The following AP3B2 variants were observed in gnomAD, a reference collection of about 807,000 sequenced individuals.
AP3B2 encodes adaptor related protein complex 3 subunit beta 2.
In AP3B2, 50 loss-of-function variants were observed where a neutral mutation model predicts 126.9. That is an observed-to-expected ratio of 0.39 (90% CI 0.31 to 0.50). The LOEUF is 0.50. Ranked by LOEUF, AP3B2 falls within the 20% of genes least tolerant of loss-of-function variation. The probability of loss-of-function intolerance (pLI) is 0.79; values close to 1 mark genes in which losing one functional copy is unlikely to be tolerated. For synonymous variants in AP3B2, 541 were observed against 565.0 expected, an observed-to-expected ratio of 0.96 and a Z score of 0.60; for missense variants, 1,177 against 1,426.4, an observed-to-expected ratio of 0.83 and a Z score of 2.82.
chr15:82,703,403 TC>T (rs2048750998), intron 1 of AP3B2, among the ~76,000 whole-genome samples: 1 of 131,172 alleles, frequency 7.6e-6, no homozygotes, highest in African/African-American at 2.8e-5. Context: ...CCACCCCTTC[TC>T]TCCGTGTCTC....
Position 82,677,353 on chromosome 15 carries a change from A to G in AP3B2, c.1409T>C (p.Ile470Thr). ...ELVVAESVVV[I>T]KKLLQMQPAQ... Reference sequence around the variant, plus strand: ...TGGCTGCATCTGTAGCAATTTCTTAATGACGACCACTGACTCTGCAACCAC... The same window carrying G: ...TGGCTGCATCTGTAGCAATTTCTTAGTGACGACCACTGACTCTGCAACCAC... Residue 470 changes from isoleucine (I) to threonine (T), a missense_variant, in exon 13 of 27, where the codon ATT becomes ACT. This residue lies in a region of AP3B2 where 308 missense variants were observed against 452.4 expected (regional missense o/e 0.68). Transcript: ENST00000535359. The G allele has an allele frequency of 6.2e-7, 1 of 1,613,966 alleles. No homozygotes were observed. The highest frequency in any genetic ancestry group is 8.5e-7 in the Non-Finnish European group (1 of 1,179,882).
chr15:82,691,104 C>A (rs2151451356), intron 1 of AP3B2, among the ~76,000 whole-genome samples: 1 of 152,296 alleles, frequency 6.6e-6, no homozygotes, highest in Non-Finnish European at 1.5e-5. Flanking sequence ...GAATGATTTA[C>A]AATCCTTTGG....
chr15:82,678,503 C>G (rs1375068673), intron 10 of AP3B2, among the ~76,000 whole-genome samples: 1 of 152,140 alleles, frequency 6.6e-6, no homozygotes, highest in Non-Finnish European at 1.5e-5. Context: ...TGCTGTCTAC[C>G]TCCCATCTCC....
In AP3B2 at chr15:82,680,294, G is replaced by A. The variant is rs1231166855; in HGVS notation, c.1056-65C>T. 1 of 1,606,870 alleles carries A rather than the reference G, an allele frequency of 6.2e-7. No homozygotes were observed. The highest frequency in any genetic ancestry group is 2.2e-5 in the East Asian group (1 of 44,744). On this transcript the variant is annotated intron_variant, in intron 8 of 26. Coordinates refer to ENST00000535359, the MANE Select transcript of AP3B2 (RefSeq NM_001278512.2). This position sits in a 1 kb window ranked among gnomAD's most constrained non-coding sequence, Gnocchi z 6.1. The stretch of plus-strand genomic sequence containing the variant: ...TTGGGGCAAGGGTCAGCGGATGAGG[G>A]GAAAAGGTGGGGCAAGTCGTTGCGG...
chr15:82,686,706 T>C (rs1046211759), intron 4 of AP3B2: 3 of 151,818 alleles, frequency 2.0e-5, no homozygotes, highest in Non-Finnish European at 4.4e-5. Context: ...GCAGTCATAA[T>C]GCAGTACAGC....
chr15:82,664,292 TA>T lies in AP3B2; in HGVS notation c.2261+74del. 1 of 1,606,654 alleles carries T rather than the reference TA, an allele frequency of 6.2e-7. No individual in the cohort carries two copies. The highest frequency in any genetic ancestry group is 1.1e-5 in the South Asian group (1 of 90,754). On this transcript the variant is annotated intron_variant, in intron 19 of 26. Coordinates refer to ENST00000535359, the MANE Select transcript of AP3B2 (RefSeq NM_001278512.2). This position sits in a 1 kb window ranked among gnomAD's most constrained non-coding sequence, Gnocchi z 4.5. ...GCTCAGGGGCTCTTAGGAGACTGGC[TA>T]AAGCTCAATGCTAGCCCTCTTTCCA...
intron 4 of AP3B2, among the ~76,000 whole-genome samples, chr15:82,684,557 C>G (rs2048395553): frequency 6.6e-6 from 1 of 152,180 alleles, no homozygotes; most frequent in African/African-American, 2.4e-5. Context: ...ATAATCCTGT[C>G]TTGCTTTCTT....
At chr15:82,693,201 C>T (rs1296293074) in intron 1 of AP3B2, among the ~76,000 whole-genome samples, 2 of 131,774 alleles carry the variant, frequency 1.5e-5, no homozygotes, top group African/African-American at 2.8e-5. Flanking sequence ...CCCACCCCCC[C>T]GCCCCCGCCC....
rs764083003 is a variant in AP3B2, at chr15:82,661,900, C to T, written c.2941G>A (p.Val981Ile). Reference protein sequence around the residue: ...QLCTQTRQFYVSIQPPVGELM... With the variant: ...QLCTQTRQFYISIQPPVGELM... The stretch of plus-strand genomic sequence containing the variant: ...TCCCCAACAGGTGGCTGAATGGAGA[C>T]GTAGAACTGTCGGGTCTGGGTGCTG... The change falls in exon 25 of 27, where the codon GTC (valine) becomes ATC (isoleucine). Residue 981 changes from valine to isoleucine, a missense_variant. Val to Ile is a conservative substitution (Grantham distance 29). Around this residue, in one of 5 missense-constraint regions of AP3B2, gnomAD observed 587 missense variants for 571.3 expected, o/e 1.03. Transcript: ENST00000535359. The T allele has an allele frequency of 2.2e-5, 36 of 1,613,660 alleles. No individual in the cohort carries two copies. Among genetic ancestry groups the T allele is most frequent in the Middle Eastern group, 1.6e-4 (1 of 6,084 alleles).
intron 1 of AP3B2, among the ~76,000 whole-genome samples, chr15:82,708,560 C>T (rs1415897245): frequency 6.6e-6 from 1 of 152,164 alleles, no homozygotes; most frequent in African/African-American, 2.4e-5. Context: ...GACCCACCTC[C>T]CTTGTCTCTT....
intron 14 of AP3B2, among the ~76,000 whole-genome samples, chr15:82,672,889 A>G (rs1427039690): frequency 1.3e-5 from 2 of 152,206 alleles, no homozygotes; most frequent in Non-Finnish European, 2.9e-5. Context: ...CTAGAAGGCA[A>G]GGGCAGCCCC....
chr15:82,661,758 T>C (rs754273106), intron 25 of AP3B2, 67 bp downstream of exon 25: 44 of 1,361,574 alleles, frequency 3.2e-5, no homozygotes, highest in Non-Finnish European at 4.4e-5. Context: ...CTCCCTACCA[T>C]CCAAGCTGGA....
In AP3B2 at chr15:82,672,299, C is replaced by A. The variant is rs142993034; in HGVS notation, c.1665+4162G>T. On this transcript the variant is annotated intron_variant, in intron 14 of 26. Transcript: ENST00000535359. ...AGAATAAAAAAGAATGAGATCCTGT[C>A]ATTTGCAACAACATGGATAGAACTA... Among the ~76,000 whole-genome samples the A allele has an allele frequency of 8.3e-4, 127 of 152,274 alleles. 1 individual carries two copies. The highest frequency in any genetic ancestry group is 3.0e-3 in the African/African-American group (126 of 41,540).
rs932533026 is a variant in AP3B2 at position 82,666,851 on chromosome 15, C to T, written c.1748G>A (p.Arg583Gln). ...YDIRDRARFT[R>Q]QLIVPSEQGG... ...CTGCTCGGAAGGGACGATGAGCTGCCGGGTGAAGCGCGCCCGGTCGCGAAT... is the reference window on the plus strand; with the variant it reads ...CTGCTCGGAAGGGACGATGAGCTGCTGGGTGAAGCGCGCCCGGTCGCGAAT... The change falls in exon 15 of 27, where the codon CGG becomes CAG. Residue 583 changes from arginine (R) to glutamine (Q), a missense_variant. Around this residue, in one of 5 missense-constraint regions of AP3B2, gnomAD observed 308 missense variants for 452.4 expected, o/e 0.68. Coordinates refer to ENST00000535359, the MANE Select transcript of AP3B2 (RefSeq NM_001278512.2). 2.5e-6 allele frequency: 4 copies of T among 1,613,972 alleles called. No individual in the cohort carries two copies. The highest frequency in any genetic ancestry group is 3.4e-6 in the Non-Finnish European group (4 of 1,179,880).
chr15:82,661,067 C>T (rs1198069302), intron 25 of AP3B2, among the ~76,000 whole-genome samples: 1 of 152,158 alleles, frequency 6.6e-6, no homozygotes, highest in African/African-American at 2.4e-5. Flanking sequence ...CCTGGTTCTC[C>T]TCCCACCTCT....
intron 10 of AP3B2, 49 bp downstream of exon 10, chr15:82,679,680 A>G (rs1433607027): frequency 7.6e-7 from 1 of 1,324,196 alleles, no homozygotes; most frequent in African/African-American, 1.5e-5. Context: ...GAGTGGGTAC[A>G]TGGGGTGGGG....
chr15:82,664,876 T>G lies in AP3B2; in HGVS notation c.2096A>C (p.Asp699Ala). The G allele has an allele frequency of 6.2e-7, 1 of 1,604,550 alleles. No individual in the cohort carries two copies. Reference sequence around the variant, plus strand: ...CGTGGGGCCTGACTCCCCCTCAGAGTCCGAGTAGAAGGGTTTTTCCTTCTC... The same window carrying G: ...CGTGGGGCCTGACTCCCCCTCAGAGGCCGAGTAGAAGGGTTTTTCCTTCTC... ...RKEKEKPFYSDSEGESGPTES... is the reference protein window; with the variant it reads ...RKEKEKPFYSASEGESGPTES... Residue 699 changes from aspartate (D) to alanine (A), a missense_variant, in exon 18 of 27, where the codon GAC becomes GCC. Asp to Ala is a moderately radical substitution (Grantham distance 126). This residue lies in a region of AP3B2 where 587 missense variants were observed against 571.3 expected (regional missense o/e 1.03). Coordinates refer to ENST00000535359, the MANE Select transcript of AP3B2 (RefSeq NM_001278512.2). This position sits in a 1 kb window ranked among gnomAD's most constrained non-coding sequence, Gnocchi z 4.5.
chr15:82,681,101 T>C lies in AP3B2; in HGVS notation c.588+11A>G. ...GTCACCACCCCTCCCGGAGCGCCCCTATACACGCACCGTGGTCTTGTCAGC... is the reference window on the plus strand; with the variant it reads ...GTCACCACCCCTCCCGGAGCGCCCCCATACACGCACCGTGGTCTTGTCAGC... On this transcript the variant is annotated intron_variant, in intron 6 of 26. Transcript: ENST00000535359. The surrounding 1 kb of genome is among the most constrained non-coding windows in gnomAD (Gnocchi z 4.0). 1 of 1,613,544 alleles carries C rather than the reference T, an allele frequency of 6.2e-7. No homozygotes were observed. The highest frequency in any genetic ancestry group is 1.6e-4 in the Middle Eastern group (1 of 6,062).
At chr15:82,694,278 T>C (rs1047351327) in intron 1 of AP3B2, among the ~76,000 whole-genome samples, 1 of 151,960 alleles carries the variant, frequency 6.6e-6, no homozygotes, top group Non-Finnish European at 1.5e-5. Context: ...GTGCTGGGAT[T>C]ACAAGTGTGA....
Sources: gnomAD v4.1 joint callset for allele counts (sites outside exome capture counted in the v4.1 genomes callset) on GRCh38, gnomAD v4.1.1 for gene constraint, gnomAD v4.1.1 regional missense constraint, Gnocchi (gnomAD v3.1) non-coding constraint, MANE v1.5 for transcripts, NCBI Gene and HGNC (gene_info 2026-07-23, HGNC 2026-07-21) for gene names.